CDC42EP3: variants seen among roughly 807,000 people sequenced by gnomAD.
The protein encoded by CDC42EP3 is CDC42 effector protein (Rho GTPase binding) 3.
Under a neutral mutation model 15.5 loss-of-function variants are expected in CDC42EP3, and 4 were observed. That is an observed-to-expected ratio of 0.26 (90% CI 0.13 to 0.59). The LOEUF (loss-of-function observed/expected upper bound fraction) is 0.59, where lower values mean the gene tolerates loss of function less well. Ranked by LOEUF, CDC42EP3 falls within the 20% of genes least tolerant of loss-of-function variation. The pLI is 0.89. For missense variants in CDC42EP3, 309 were observed against 311.2 expected (o/e 0.99, Z 0.05); for synonymous variants, 145 against 130.3 (o/e 1.11, Z -0.77).
rs1390209005 is a variant in CDC42EP3, at chr2:37,646,264, G to A, written c.324C>T (p.Ser108=). 1 of 1,614,192 alleles carries A rather than the reference G, an allele frequency of 6.2e-7. No homozygotes were observed. Among genetic ancestry groups the A allele is most frequent in the South Asian group, 1.1e-5 (1 of 91,076 alleles). ...CTTGGGATCCTCCAATGGTCGGGAG[G>A]GAGATGGCATTTTTGAGCACCGGGG... is the stretch of plus-strand genomic sequence containing the variant. The part of the protein sequence containing the change: ...TPSPVLKNAI[S]LPTIGGSQAL... Residue 108 remains serine, a synonymous_variant, in exon 2 of 2, where the codon TCC becomes TCT. Coordinates refer to ENST00000295324, the MANE Select transcript of CDC42EP3 (RefSeq NM_006449.5).
At chr2:37,659,663 G>C (rs2124629196) in intron 1 of CDC42EP3, among the ~76,000 whole-genome samples, 1 of 152,256 alleles carries the variant, frequency 6.6e-6, no homozygotes, top group African/African-American at 2.4e-5. Flanking sequence ...TAAAGAATGA[G>C]GCCCTGGAGA....
chr2:37,652,512 A>G (rs982142596), intron 1 of CDC42EP3, among the ~76,000 whole-genome samples: 12 of 152,156 alleles, frequency 7.9e-5, no homozygotes, highest in African/African-American at 2.7e-4. Context: ...GTGGGCACTG[A>G]GCCATCTGAG....
At chr2:37,668,155 T>C (rs1407978121) in intron 1 of CDC42EP3, among the ~76,000 whole-genome samples, 3 of 152,192 alleles carry the variant, frequency 2.0e-5, no homozygotes, top group African/African-American at 7.2e-5. Flanking sequence ...TCTCTTTCTT[T>C]CTTAAAATGC....
At position 37,668,570 on chromosome 2, in the gene CDC42EP3, C is replaced by T. The variant is rs184957320; in HGVS notation, c.-236+2856G>A. 2.4e-3 allele frequency among the ~76,000 whole-genome samples: 368 copies of T among 152,304 alleles called. 4 individuals carry two copies. Among genetic ancestry groups the T allele is most frequent in the African/African-American group, 8.1e-3 (337 of 41,560 alleles). On this transcript the variant is annotated intron_variant, in intron 1 of 1. Coordinates refer to ENST00000295324, the MANE Select transcript of CDC42EP3 (RefSeq NM_006449.5). ...TCAGAAGTTCAGTTTTTTTTCCCAT[C>T]CCCTTAACCCAAAGAGCTGCTGACT...
At chr2:37,666,231 A>G (rs1052322054) in intron 1 of CDC42EP3, among the ~76,000 whole-genome samples, 5 of 152,178 alleles carry the variant, frequency 3.3e-5, no homozygotes, top group African/African-American at 1.2e-4. Flanking sequence ...CTGGTCCTGC[A>G]GCTGCTCAGT....
intron 1 of CDC42EP3, among the ~76,000 whole-genome samples, chr2:37,657,461 G>A (rs1191124206): frequency 6.6e-6 from 1 of 152,190 alleles, no homozygotes. Context: ...GTAAGCAAAA[G>A]GGCTATACAT....
intron 1 of CDC42EP3, among the ~76,000 whole-genome samples, chr2:37,664,429 C>G (rs1666187891): frequency 6.6e-6 from 1 of 152,182 alleles, no homozygotes; most frequent in Admixed American, 6.5e-5. Context: ...CTTCCTTGTT[C>G]CTCAGCTTGC....
chr2:37,663,169 AAAAAC>A lies in CDC42EP3; in HGVS notation c.-236+8252_-236+8256del, dbSNP rs139174965. 7.9e-3 allele frequency among the ~76,000 whole-genome samples: 1,198 copies of A among 151,474 alleles called. 22 individuals carry two copies. Among genetic ancestry groups the A allele is most frequent in the African/African-American group, 0.027 (1,129 of 41,180 alleles). On this transcript the variant is annotated intron_variant, in intron 1 of 1. Coordinates refer to ENST00000295324, the MANE Select transcript of CDC42EP3 (RefSeq NM_006449.5). ...AACTGAGTGAGTGAAACTCGGTCTC[AAAAAC>A]AAAACAAAACAAAACAAAACAAAAA...
At chr2:37,649,256 G>A (rs933505630) in intron 1 of CDC42EP3, among the ~76,000 whole-genome samples, 1 of 151,568 alleles carries the variant, frequency 6.6e-6, no homozygotes, top group South Asian at 2.1e-4. Flanking sequence ...TTTGAAACCA[G>A]CCTGGGCAAC....
intron 1 of CDC42EP3, among the ~76,000 whole-genome samples, chr2:37,650,413 C>T (rs1024446516): frequency 6.6e-6 from 1 of 152,174 alleles, no homozygotes; most frequent in Non-Finnish European, 1.5e-5. Context: ...CAAGAAGTGG[C>T]TGCTCCTGGA....
chr2:37,656,990 A>ACCCCCCCCCCC (rs1558340416), intron 1 of CDC42EP3, among the ~76,000 whole-genome samples: 2 of 42,308 alleles, frequency 4.7e-5, no homozygotes, highest in Admixed American at 2.5e-4. Context: ...CCCCCCCCCC[A>ACCCCCCCCCCC]CCCCCCGCCC....
intron 1 of CDC42EP3, among the ~76,000 whole-genome samples, chr2:37,650,152 G>C (rs150513717): frequency 1.3e-5 from 2 of 152,068 alleles, no homozygotes; most frequent in African/African-American, 4.8e-5. Flanking sequence ...TCCTTCTATT[G>C]CATCTGTTCT....
chr2:37,668,845 T>C (rs976046517), intron 1 of CDC42EP3, among the ~76,000 whole-genome samples: 6 of 152,200 alleles, frequency 3.9e-5, no homozygotes, highest in African/African-American at 1.4e-4. Flanking sequence ...GAAGTGCTTT[T>C]AACATCCAAA....
chr2:37,657,121 T>G (rs1665891330), intron 1 of CDC42EP3, among the ~76,000 whole-genome samples: 1 of 151,956 alleles, frequency 6.6e-6, no homozygotes, highest in Admixed American at 6.6e-5. Context: ...AGGCTTTCAC[T>G]GGGGACAATA....
At chr2:37,653,372 G>A (rs1665750279) in intron 1 of CDC42EP3, among the ~76,000 whole-genome samples, 1 of 152,186 alleles carries the variant, frequency 6.6e-6, no homozygotes, top group South Asian at 2.1e-4. Context: ...GGTTGCACTA[G>A]GCTAGACAAT....
chr2:37,657,691 G>A (rs1665921080), intron 1 of CDC42EP3, among the ~76,000 whole-genome samples: 2 of 152,178 alleles, frequency 1.3e-5, no homozygotes, highest in South Asian at 2.1e-4. Flanking sequence ...ACACACCTAT[G>A]CCTATTCATT....
chr2:37,649,394 G>T (rs1413722800), intron 1 of CDC42EP3, among the ~76,000 whole-genome samples: 1 of 135,674 alleles, frequency 7.4e-6, no homozygotes, highest in African/African-American at 2.8e-5. Flanking sequence ...ATTCAAGGCT[G>T]CGGAGAGCTA....
chr2:37,653,978 T>A (rs1665767791), intron 1 of CDC42EP3, among the ~76,000 whole-genome samples: 1 of 152,138 alleles, frequency 6.6e-6, no homozygotes, highest in African/African-American at 2.4e-5. Flanking sequence ...TCTGATCACT[T>A]TTCGCTTTGC....
At position 37,646,009 on chromosome 2, in the gene CDC42EP3, G is replaced by A. The variant is rs369735107; in HGVS notation, c.579C>T (p.Ser193=). Residue 193 remains serine, a synonymous_variant, in exon 2 of 2, where the codon TCC becomes TCT. Coordinates refer to ENST00000295324, the MANE Select transcript of CDC42EP3 (RefSeq NM_006449.5). ...CGGCTGGCCAGTCGGGGTACTGTTCGGACAGGCTGGAGGAGTGGCTGTCTC... is the reference window on the plus strand; with the variant it reads ...CGGCTGGCCAGTCGGGGTACTGTTCAGACAGGCTGGAGGAGTGGCTGTCTC... ...QGRDSHSSSL[S]EQYPDWPAED... 8 of 1,613,834 alleles carry A rather than the reference G, an allele frequency of 5.0e-6. No homozygotes were observed. The highest frequency in any genetic ancestry group is 5.9e-6 in the Non-Finnish European group (7 of 1,179,850).
Sources: allele counts gnomAD v4.1 joint callset (sites outside exome capture counted in the v4.1 genomes callset), GRCh38; gene constraint gnomAD v4.1.1; transcripts MANE v1.5; gene names NCBI Gene and HGNC (gene_info 2026-07-23, HGNC 2026-07-21).